ALB: variants seen among roughly 807,000 people sequenced by gnomAD.
The protein encoded by ALB is serum albumin.
In ALB, 37 loss-of-function variants were observed where a neutral mutation model predicts 74.5. The ratio of observed to expected loss-of-function variants is 0.50; its 90% CI spans 0.38 to 0.65. The LOEUF (loss-of-function observed/expected upper bound fraction) is 0.65. Among genes scored for constraint, ALB ranks in the 30% least tolerant of loss-of-function variants. The pLI is 0.00. For missense variants in ALB, 685 were observed against 718.7 expected, an observed-to-expected ratio of 0.95 and a Z score of 0.54; for synonymous variants, 249 against 251.6, an observed-to-expected ratio of 0.99 and a Z score of 0.10.
chr4:73,417,643 A>T lies in ALB; in HGVS notation c.1402A>T (p.Lys468Ter). 6.2e-7 allele frequency: 1 copy of T among 1,613,938 alleles called. No individual in the cohort carries two copies. Among genetic ancestry groups the T allele is most frequent in the Non-Finnish European group, 8.5e-7 (1 of 1,179,866 alleles). ...CAAATGTTGTAAACATCCTGAAGCA[A>T]AAAGAATGCCCTGTGCAGAAGACTA... Reference protein sequence around the residue: ...GSKCCKHPEAKRMPCAEDYLS... With the variant: ...GSKCCKHPEA The change falls in exon 11 of 15, where the codon AAA (lysine) becomes TAA (stop). Residue 468 changes from lysine to a stop codon, truncating the protein, a stop_gained. Transcript: ENST00000295897. LOFTEE classifies it high-confidence loss of function.
chr4:73,413,612 G>T lies in ALB; in HGVS notation c.1036G>T (p.Ala346Ser), dbSNP rs1463536973. Residue 346 changes from alanine to serine, a missense_variant, in exon 8 of 15, where the codon GCA becomes TCA. Transcript: ENST00000295897. ...SKDVCKNYAE[A>S]KDVFLGMFLY... ...GGATGTTTGCAAAAACTATGCTGAG[G>T]CAAAGGATGTCTTCCTGGGCATGTA... is the stretch of plus-strand genomic sequence containing the variant. The T allele has an allele frequency of 6.2e-7, 1 of 1,614,024 alleles. No homozygotes were observed. Among genetic ancestry groups the T allele is most frequent in the Admixed American group, 1.7e-5 (1 of 60,014 alleles).
At chr4:73,407,379 C>A (rs1718761732) in intron 3 of ALB, among the ~76,000 whole-genome samples, 1 of 152,150 alleles carries the variant, frequency 6.6e-6, no homozygotes, top group South Asian at 2.1e-4. Flanking sequence ...TTATGACTGA[C>A]TTATTTCCCT....
At chr4:73,405,361 A>G (rs536755858) in intron 2 of ALB, among the ~76,000 whole-genome samples, 188 bp downstream of exon 2, 6 of 152,308 alleles carry the variant, frequency 3.9e-5, no homozygotes, top group Admixed American at 2.0e-4. Context: ...TCACATGGCT[A>G]TTGAGTACTT....
chr4:73,415,402 C>A (rs1718988983), intron 9 of ALB: 1 of 459,086 alleles, frequency 2.2e-6, no homozygotes, highest in Non-Finnish European at 3.8e-6. Flanking sequence ...AAATTTTGAT[C>A]TTTTTTTCTC....
At chr4:73,404,472 A>G (rs1577933755) in intron 1 of ALB, 66 bp downstream of exon 1, 1 of 1,315,428 alleles carries the variant, frequency 7.6e-7, no homozygotes, top group Non-Finnish European at 1.1e-6. Context: ...AAGTTTTAGT[A>G]AACTCTGCAT....
Position 73,404,344 on chromosome 4 carries a change from T to G in ALB, c.17T>G (p.Phe6Cys). 1 of 1,613,760 alleles carries G rather than the reference T, an allele frequency of 6.2e-7. No individual in the cohort carries two copies. The highest frequency in any genetic ancestry group is 8.5e-7 in the Non-Finnish European group (1 of 1,179,744). Residue 6 changes from phenylalanine (F) to cysteine (C), a missense_variant, in exon 1 of 15, where the codon TTT (phenylalanine) becomes TGT (cysteine). Phe to Cys is a radical substitution (Grantham distance 205). Coordinates refer to ENST00000295897, the MANE Select transcript of ALB (RefSeq NM_000477.7). ...TTTGGCACAATGAAGTGGGTAACCT[T>G]TATTTCCCTTCTTTTTCTCTTTAGC... MKWVT[F>C]ISLLFLFSSA...
At chr4:73,413,744 G>A in intron 8 of ALB, 110 bp downstream of exon 8, 1 of 1,059,976 alleles carries the variant, frequency 9.4e-7, no homozygotes, top group South Asian at 1.3e-5. Context: ...TGCCCAGAAT[G>A]TTTCTTCATC....
chr4:73,404,457 A>G (rs2149326516), intron 1 of ALB, 51 bp downstream of exon 1: 2 of 1,493,800 alleles, frequency 1.3e-6, no homozygotes, highest in East Asian at 4.5e-5. Context: ...TTTCCCAGTA[A>G]AATAAAGTTT....
rs753579597 is a variant in ALB at position 73,408,621 on chromosome 4, A to G, written c.298A>G (p.Thr100Ala). 2.5e-6 allele frequency: 4 copies of G among 1,614,034 alleles called. No individual in the cohort carries two copies. The highest frequency in any genetic ancestry group is 4.5e-5 in the East Asian group (2 of 44,872). ...LHTLFGDKLC[T>A]VATLRETYGE... is the part of the protein sequence containing the mutation. ...TACCCTTTTTGGAGACAAATTATGC[A>G]CAGTTGCAACTCTTCGTGAAACCTA... is the stretch of plus-strand genomic sequence containing the variant. The change falls in exon 4 of 15, where the codon ACA becomes GCA. Residue 100 changes from threonine to alanine, a missense_variant. Thr to Ala is a moderately conservative substitution (Grantham distance 58). Coordinates refer to ENST00000295897, the MANE Select transcript of ALB (RefSeq NM_000477.7).
At chr4:73,418,030 A>C in intron 11 of ALB, 58 bp from the exon 12 acceptor site, 1 of 1,541,922 alleles carries the variant, frequency 6.5e-7, no homozygotes, top group Non-Finnish European at 8.9e-7. Flanking sequence ...TTGTATTTTT[A>C]GTAGAAAATT....
At chr4:73,419,376 G>T in intron 12 of ALB, 131 bp from the exon 13 acceptor site, 1 of 976,218 alleles carries the variant, frequency 1.0e-6, no homozygotes, top group Non-Finnish European at 1.5e-6. Flanking sequence ...GAGCCCCAAA[G>T]TACTCAGAGT....
chr4:73,409,146 T>TTC, intron 4 of ALB: 1 of 536,542 alleles, frequency 1.9e-6, no homozygotes, highest in Non-Finnish European at 3.1e-6. Context: ...TAACCATTTA[T>TTC]GCACACACAC....
Position 73,418,195 on chromosome 4 carries a change from T to C in ALB, c.1536T>C (p.Phe512=), listed in dbSNP as rs143699485. Residue 512 remains phenylalanine, a synonymous_variant, in exon 12 of 15, where the codon TTT becomes TTC. Coordinates refer to ENST00000295897, the MANE Select transcript of ALB (RefSeq NM_000477.7). ...TESLVNRRPC[F]SALEVDETYV... is the part of the protein sequence containing the mutation. ...CCTTGGTGAACAGGCGACCATGCTT[T>C]TCAGCTCTGGAAGTCGATGAAACAT... 13 of 1,614,078 alleles carry C rather than the reference T, an allele frequency of 8.1e-6. No individual in the cohort carries two copies. In the African/African-American group the frequency reaches 1.6e-4, roughly 20 times the overall value.
At position 73,408,670 on chromosome 4, in the gene ALB, C is replaced by T. The variant is rs1718793939; in HGVS notation, c.347C>T (p.Ala116Val). 1 of 1,613,874 alleles carries T rather than the reference C, an allele frequency of 6.2e-7. No individual in the cohort carries two copies. Among genetic ancestry groups the T allele is most frequent in the Non-Finnish European group, 8.5e-7 (1 of 1,179,928 alleles). ...ETYGEMADCC[A>V]KQEPERNECF... ...TATGGTGAAATGGCTGACTGCTGTG[C>T]AAAACAAGAACCTGAGAGAAATGAA... Residue 116 changes from alanine to valine, a missense_variant, in exon 4 of 15, where the codon GCA becomes GTA. Coordinates refer to ENST00000295897, the MANE Select transcript of ALB (RefSeq NM_000477.7).
chr4:73,419,110 A>G (rs56160402), intron 12 of ALB, among the ~76,000 whole-genome samples: 27 of 152,298 alleles, frequency 1.8e-4, no homozygotes, highest in African/African-American at 6.3e-4. Context: ...TAAATTTTTA[A>G]GGATCATTTT....
intron 8 of ALB, 52 bp downstream of exon 8, chr4:73,413,686 T>C: frequency 6.4e-7 from 1 of 1,551,428 alleles, no homozygotes; most frequent in African/African-American, 1.4e-5. Flanking sequence ...CCTCACAACT[T>C]AGGAGGATAG....
chr4:73,413,552 T>C lies in ALB; in HGVS notation c.976T>C (p.Leu326=). 1 of 1,614,220 alleles carries C rather than the reference T, an allele frequency of 6.2e-7. No individual in the cohort carries two copies. The highest frequency in any genetic ancestry group is 8.5e-7 in the Non-Finnish European group (1 of 1,180,028). The change falls in exon 8 of 15, where the codon TTG becomes CTG. Residue 326 remains leucine (L), a synonymous_variant. Coordinates refer to ENST00000295897, the MANE Select transcript of ALB (RefSeq NM_000477.7). ...EVENDEMPAD[L]PSLAADFVES... Reference sequence around the variant, plus strand: ...GGAAAATGATGAGATGCCTGCTGACTTGCCTTCATTAGCTGCTGATTTTGT... The same window carrying C: ...GGAAAATGATGAGATGCCTGCTGACCTGCCTTCATTAGCTGCTGATTTTGT...
chr4:73,420,676 A>C (rs1719119883), intron 14 of ALB: 1 of 276,396 alleles, frequency 3.6e-6, no homozygotes, highest in Non-Finnish European at 6.8e-6. Flanking sequence ...CAGCAGTGGA[A>C]TACTCTGGGA....
chr4:73,410,491 A>G (rs1293490784), intron 6 of ALB, 82 bp downstream of exon 6: 10 of 1,130,712 alleles, frequency 8.8e-6, no homozygotes, highest in Non-Finnish European at 1.3e-5. Flanking sequence ...ATTTTTATGT[A>G]TTTTGCAAAG....
Sources: allele counts gnomAD v4.1 joint callset (sites outside exome capture counted in the v4.1 genomes callset), GRCh38; gene constraint gnomAD v4.1.1; transcripts MANE v1.5; gene names NCBI Gene and HGNC (gene_info 2026-07-23, HGNC 2026-07-21).